ZNF804B: variants seen among roughly 807,000 people sequenced by gnomAD.
The protein encoded by ZNF804B is zinc finger protein 804B.
ZNF804B carries 80 observed loss-of-function variants against 101.4 expected under a neutral mutation model. That is an observed-to-expected ratio of 0.79 (90% confidence interval 0.66 to 0.95). The LOEUF (loss-of-function observed/expected upper bound fraction) is 0.95, where lower values mean the gene tolerates loss of function less well. ZNF804B is among the 40% of genes least tolerant of loss of function. The pLI is 0.00. For missense variants in ZNF804B, 1,673 were observed against 1,561.9 expected (o/e 1.07, Z -1.20); for synonymous variants, 622 against 558.8 (o/e 1.11, Z -1.59).
chr7:89,018,860 A>T (rs1038112307), intron 1 of ZNF804B, among the ~76,000 whole-genome samples: 3 of 151,684 alleles, frequency 2.0e-5, no homozygotes, highest in Non-Finnish European at 4.4e-5. Context: ...TTTATTCCTG[A>T]CCTTATTTAT....
chr7:89,006,724 T>C (rs1043197676), intron 1 of ZNF804B, among the ~76,000 whole-genome samples: 1 of 152,190 alleles, frequency 6.6e-6, no homozygotes, highest in Non-Finnish European at 1.5e-5. Context: ...CAGCAAACAC[T>C]GTTAACAGAG....
At chr7:88,887,805 T>C (rs991258409) in intron 1 of ZNF804B, among the ~76,000 whole-genome samples, 2 of 152,194 alleles carry the variant, frequency 1.3e-5, no homozygotes. Flanking sequence ...TTGTACACTT[T>C]CTGCTCATTA....
rs140755373 is a variant in ZNF804B, at chr7:89,218,068, T to C, written c.109-87T>C. On this transcript the variant is annotated intron_variant, in intron 1 of 3. Coordinates refer to ENST00000333190, the MANE Select transcript of ZNF804B (RefSeq NM_181646.5). ...AACAATGTGCTCCGTCATATTTCTT[T>C]AAGTTAAATACCACCTTGATTAATA... The C allele has an allele frequency of 1.7e-5, 23 of 1,342,438 alleles. No individual in the cohort carries two copies. In the African/African-American group the frequency reaches 2.5e-4, roughly 15 times the overall value. The allele number at this position is 1,342,438 out of a possible 1,614,324, so 83.2% of individuals were successfully genotyped here.
intron 1 of ZNF804B, among the ~76,000 whole-genome samples, chr7:89,004,468 AT>A (rs1255915859): frequency 6.6e-6 from 1 of 151,904 alleles, no homozygotes; most frequent in Non-Finnish European, 1.5e-5. Context: ...GTTGATTTAA[AT>A]AGTTTCTGGG....
At chr7:88,825,782 G>A (rs1414092132) in intron 1 of ZNF804B, among the ~76,000 whole-genome samples, 1 of 152,104 alleles carries the variant, frequency 6.6e-6, no homozygotes, top group Non-Finnish European at 1.5e-5. Flanking sequence ...ATCTGTACCT[G>A]TATGATGATG....
chr7:88,884,305 TTTAA>T (rs1415952302), intron 1 of ZNF804B, among the ~76,000 whole-genome samples: 1 of 151,866 alleles, frequency 6.6e-6, no homozygotes, highest in Non-Finnish European at 1.5e-5. Flanking sequence ...GAGGATATTA[TTTAA>T]TTTCCTTAAT....
chr7:89,185,614 A>G (rs1161347564), intron 1 of ZNF804B, among the ~76,000 whole-genome samples: 2 of 152,150 alleles, frequency 1.3e-5, no homozygotes, highest in Non-Finnish European at 2.9e-5. Flanking sequence ...TAATCCCCGC[A>G]CTTTGAAAGG....
intron 1 of ZNF804B, among the ~76,000 whole-genome samples, chr7:88,941,722 T>A (rs1402539632): frequency 1.3e-5 from 2 of 151,956 alleles, no homozygotes; most frequent in Non-Finnish European, 2.9e-5. Flanking sequence ...CCACAAAATA[T>A]ACAATACCAG....
intron 1 of ZNF804B, among the ~76,000 whole-genome samples, chr7:88,947,780 TC>T (rs1422096305): frequency 6.6e-6 from 1 of 151,700 alleles, no homozygotes; most frequent in African/African-American, 2.4e-5. Context: ...AAATCTAAAA[TC>T]CCAAACAATT....
At chr7:89,126,307 T>G (rs1484062176) in intron 1 of ZNF804B, among the ~76,000 whole-genome samples, 1 of 151,964 alleles carries the variant, frequency 6.6e-6, no homozygotes, top group East Asian at 1.9e-4. Flanking sequence ...CAAATCTCTC[T>G]TTAGGAGGAA....
At position 89,049,100 on chromosome 7, in the gene ZNF804B, A is replaced by G. The variant is rs562582446; in HGVS notation, c.109-169055A>G. On this transcript the variant is annotated intron_variant, in intron 1 of 3. Coordinates refer to ENST00000333190, the MANE Select transcript of ZNF804B (RefSeq NM_181646.5). The stretch of plus-strand genomic sequence containing the variant: ...AAAGTCGCTATTGTCTATCATTAAC[A>G]TATCATTAACAATCATATTATGTGA... Among the ~76,000 whole-genome samples the G allele has an allele frequency of 3.3e-5, 5 of 150,490 alleles. No homozygotes were observed. In the East Asian group the frequency reaches 9.7e-4, roughly 29 times the overall value.
chr7:89,018,887 TTTAG>T (rs1232586400), intron 1 of ZNF804B, among the ~76,000 whole-genome samples: 9 of 152,056 alleles, frequency 5.9e-5, no homozygotes, highest in Admixed American at 5.9e-4. Flanking sequence ...CTTCTCTCTT[TTTAG>T]TCTAGCTAAT....
chr7:89,133,565 C>T (rs1322166493), intron 1 of ZNF804B, among the ~76,000 whole-genome samples: 1 of 151,948 alleles, frequency 6.6e-6, no homozygotes, highest in Non-Finnish European at 1.5e-5. Flanking sequence ...TTTCACTTGC[C>T]CCATGGGAGC....
At chr7:89,142,034 CT>C (rs903757188) in intron 1 of ZNF804B, among the ~76,000 whole-genome samples, 18 of 151,536 alleles carry the variant, frequency 1.2e-4, no homozygotes, top group African/African-American at 4.4e-4. Flanking sequence ...TCAATGCTAT[CT>C]TTTTTACATT....
At chr7:89,300,899 G>A (rs73208901) in intron 2 of ZNF804B, among the ~76,000 whole-genome samples, 17,044 of 151,710 alleles carry the variant, frequency 0.11, 1,238 homozygotes, top group South Asian at 0.18. Context: ...TGAGAGATCT[G>A]CTAGATCTCT....
intron 2 of ZNF804B, among the ~76,000 whole-genome samples, chr7:89,307,945 C>T (rs756803048): frequency 2.2e-4 from 33 of 152,038 alleles, no homozygotes; most frequent in Non-Finnish European, 1.2e-4. Context: ...CCTTAGATTC[C>T]CAGGTTCTTG....
chr7:89,270,633 T>A (rs548110089), intron 2 of ZNF804B, among the ~76,000 whole-genome samples: 26 of 152,200 alleles, frequency 1.7e-4, no homozygotes, highest in Non-Finnish European at 2.6e-4. Flanking sequence ...GGGGATGGCA[T>A]TGAATCTATA....
chr7:88,851,421 CACT>C (rs1238807682), intron 1 of ZNF804B, among the ~76,000 whole-genome samples: 1 of 151,970 alleles, frequency 6.6e-6, no homozygotes, highest in Non-Finnish European at 1.5e-5. Flanking sequence ...ACAAAGACAC[CACT>C]GACAGCAGAT....
chr7:88,769,075 C>T lies in ZNF804B; in HGVS notation c.108+8991C>T, dbSNP rs138051130. On this transcript the variant is annotated intron_variant, in intron 1 of 3. Transcript: ENST00000333190. ...TTGTGTGTGTTGATATGTGTGCATG[C>T]GTATATACACCTGATGTTGTAGTGG... Among the ~76,000 whole-genome samples the T allele has an allele frequency of 4.0e-3, 606 of 152,112 alleles. 2 individuals carry two copies. The highest frequency in any genetic ancestry group is 0.014 in the African/African-American group (581 of 41,492).
Sources: allele counts gnomAD v4.1 joint callset (sites outside exome capture counted in the v4.1 genomes callset), GRCh38; gene constraint gnomAD v4.1.1; transcripts MANE v1.5; gene names NCBI Gene and HGNC (gene_info 2026-07-23, HGNC 2026-07-21).